KIAA1217: variants seen among roughly 807,000 people sequenced by gnomAD.
KIAA1217 encodes the protein sickle tail protein homolog.
KIAA1217 carries 88 observed loss-of-function variants against 163.9 expected under a neutral mutation model. The ratio of observed to expected loss-of-function variants is 0.54; its 90% CI spans 0.45 to 0.64. The LOEUF (loss-of-function observed/expected upper bound fraction) is 0.64. Among genes scored for constraint, KIAA1217 ranks in the 30% least tolerant of loss-of-function variants. The probability of loss-of-function intolerance (pLI) is 0.00; values close to 1 mark genes in which losing one functional copy is unlikely to be tolerated. For missense variants in KIAA1217, 2,372 were observed against 2,475.0 expected (o/e 0.96, Z 0.88); for synonymous variants, 903 against 923.1 (o/e 0.98, Z 0.39).
chr10:24,308,604 A>G (rs1202017929), intron 2 of KIAA1217, among the ~76,000 whole-genome samples: 3 of 152,196 alleles, frequency 2.0e-5, no homozygotes, highest in Non-Finnish European at 4.4e-5. Context: ...CTTTAAAGGA[A>G]CAAAGCCATT....
At chr10:23,791,378 G>T (rs1835944435) in intron 1 of KIAA1217, among the ~76,000 whole-genome samples, 2 of 151,896 alleles carry the variant, frequency 1.3e-5, no homozygotes, top group African/African-American at 4.8e-5. Context: ...CTTCCCTCTT[G>T]TCTCATCACA....
intron 2 of KIAA1217, among the ~76,000 whole-genome samples, chr10:24,321,759 G>A (rs2044189846): frequency 6.6e-6 from 1 of 152,118 alleles, no homozygotes; most frequent in Non-Finnish European, 1.5e-5. Flanking sequence ...GCCAGGGGCT[G>A]GGAGAGGGGA....
chr10:24,246,453 T>C (rs1410001366), intron 2 of KIAA1217, among the ~76,000 whole-genome samples: 3 of 152,186 alleles, frequency 2.0e-5, no homozygotes, highest in Non-Finnish European at 4.4e-5. Context: ...GCCCAAACTT[T>C]TTCTCAAAAA....
chr10:24,191,069 C>CT (rs1451280902), intron 2 of KIAA1217, among the ~76,000 whole-genome samples: 1 of 151,904 alleles, frequency 6.6e-6, no homozygotes, highest in Non-Finnish European at 1.5e-5. Flanking sequence ...TGGTGCACAC[C>CT]TATGGGAAGC....
At chr10:23,898,551 A>G (rs189743648) in intron 1 of KIAA1217, among the ~76,000 whole-genome samples, 10 of 152,158 alleles carry the variant, frequency 6.6e-5, no homozygotes, top group African/African-American at 2.2e-4. Flanking sequence ...TACTTTGTGT[A>G]TTCTTCTGCA....
intron 1 of KIAA1217, among the ~76,000 whole-genome samples, chr10:23,787,434 G>A (rs1835544820): frequency 6.6e-6 from 1 of 152,080 alleles, no homozygotes; most frequent in African/African-American, 2.4e-5. Flanking sequence ...TAATTCTACA[G>A]GTACAGATAT....
chr10:24,210,247 A>C (rs1234149853), intron 1 of KIAA1217, among the ~76,000 whole-genome samples: 1 of 152,212 alleles, frequency 6.6e-6, no homozygotes, highest in Non-Finnish European at 1.5e-5. Context: ...GAAAATGCAA[A>C]GCTAAGCCAG....
chr10:23,798,073 A>G (rs1468179510), intron 1 of KIAA1217, among the ~76,000 whole-genome samples: 1 of 152,192 alleles, frequency 6.6e-6, no homozygotes, highest in African/African-American at 2.4e-5. Context: ...TGCCTCTTCC[A>G]TTCAAACAAT....
chr10:23,753,793 C>G (rs917194338), intron 1 of KIAA1217, among the ~76,000 whole-genome samples: 3 of 152,152 alleles, frequency 2.0e-5, no homozygotes, highest in Non-Finnish European at 2.9e-5. Flanking sequence ...TTTTGAAGAA[C>G]CATCACGTCT....
At chr10:23,739,716 T>G (rs1258433469) in intron 1 of KIAA1217, among the ~76,000 whole-genome samples, 2 of 152,252 alleles carry the variant, frequency 1.3e-5, no homozygotes, top group East Asian at 3.9e-4. Flanking sequence ...GGGTTAGGAA[T>G]TGACTGTAGA....
intron 1 of KIAA1217, among the ~76,000 whole-genome samples, chr10:23,856,729 C>G (rs1302650310): frequency 1.3e-5 from 2 of 152,254 alleles, no homozygotes; most frequent in Non-Finnish European, 2.9e-5. Flanking sequence ...CGCCCCTCCC[C>G]CAGCCTCGCT....
chr10:24,027,282 C>G (rs976330735), intron 2 of KIAA1217, among the ~76,000 whole-genome samples: 1 of 152,032 alleles, frequency 6.6e-6, no homozygotes, highest in African/African-American at 2.4e-5. Context: ...AGATGGTGAC[C>G]TGGGGCATTC....
Position 23,835,885 on chromosome 10 carries a change from T to A in KIAA1217, c.-321+140651T>A, listed in dbSNP as rs192120776. 4.6e-5 allele frequency among the ~76,000 whole-genome samples: 7 copies of A among 152,280 alleles called. No individual in the cohort carries two copies. The East Asian group carries it at 1.2e-3, about 25-fold the overall frequency. On this transcript the variant is annotated intron_variant, in intron 1 of 18. Transcript: ENST00000376462. ...CTCCCTCTGTTCCTCCTAGTTTTTGTTGTTTTTTAAGCTCCTCCTGGGAAC... is the reference window on the plus strand; with the variant it reads ...CTCCCTCTGTTCCTCCTAGTTTTTGATGTTTTTTAAGCTCCTCCTGGGAAC...
chr10:24,292,569 C>T (rs1397566991), intron 2 of KIAA1217, among the ~76,000 whole-genome samples: 1 of 152,102 alleles, frequency 6.6e-6, no homozygotes, highest in Non-Finnish European at 1.5e-5. Flanking sequence ...CTCCTGTTAC[C>T]CTCTGAAAAG....
chr10:24,506,103 T>C (rs1419759061), intron 9 of KIAA1217, among the ~76,000 whole-genome samples: 2 of 152,150 alleles, frequency 1.3e-5, no homozygotes, highest in Non-Finnish European at 2.9e-5. Flanking sequence ...AACAAGAAGC[T>C]TTCTAAGATG....
At chr10:23,991,338 G>A (rs988640155) in intron 1 of KIAA1217, among the ~76,000 whole-genome samples, 9 of 152,010 alleles carry the variant, frequency 5.9e-5, no homozygotes, top group Non-Finnish European at 1.0e-4. Context: ...CTTTTTTCAC[G>A]TAGCCCATCA....
Position 24,190,026 on chromosome 10 carries a change from A to T in KIAA1217, c.-170-29600A>T, listed in dbSNP as rs78164611. 2.0e-3 allele frequency among the ~76,000 whole-genome samples: 257 copies of T among 129,756 alleles called. 1 individual carries two copies. In the South Asian group the frequency reaches 0.021, roughly 11 times the overall value. The allele number at this position is 129,756 out of a possible 152,430, so 85.1% of individuals were successfully genotyped here. ...ACAGAGTGAGACTCTGTCTCTATTT[A>T]AAAAAAAAAAAAAAAAAGTATGATT... On this transcript the variant is annotated intron_variant, in intron 2 of 18. Coordinates refer to the KIAA1217 transcript ENST00000376462.
At chr10:24,288,556 A>C (rs1461805001) in intron 2 of KIAA1217, among the ~76,000 whole-genome samples, 2 of 152,214 alleles carry the variant, frequency 1.3e-5, no homozygotes, top group Non-Finnish European at 2.9e-5. Context: ...CAGAATTGCT[A>C]TATAGGATGT....
At chr10:23,706,334 C>T (rs561811693) in intron 1 of KIAA1217, among the ~76,000 whole-genome samples, 74 of 152,222 alleles carry the variant, frequency 4.9e-4, no homozygotes, top group African/African-American at 1.7e-3. Context: ...AGGTGGACAT[C>T]CTTGTCTTGT....
Sources: gnomAD v4.1 joint callset for allele counts (sites outside exome capture counted in the v4.1 genomes callset) on GRCh38, gnomAD v4.1.1 for gene constraint, MANE v1.5 for transcripts, NCBI Gene and HGNC (gene_info 2026-07-23, HGNC 2026-07-21) for gene names.